Variants in MSRA observed in about 807,000 individuals in gnomAD.
MSRA encodes the protein methionine sulfoxide reductase A.
In MSRA, 54 loss-of-function variants were observed where a neutral mutation model predicts 31.3. That is an observed-to-expected ratio of 1.73 (90% CI 1.39 to 2.17). MSRA has a LOEUF of 2.17. Among genes scored for constraint, MSRA ranks in the 30% most tolerant of loss-of-function variants. MSRA has a pLI of 0.00. For synonymous variants in MSRA, 169 were observed against 116.5 expected (o/e 1.45, Z -2.90); for missense variants, 507 against 300.9 (o/e 1.69, Z -5.07).
At chr8:10,303,526 C>A (rs920367121) in intron 4 of MSRA, among the ~76,000 whole-genome samples, 2 of 152,130 alleles carry the variant, frequency 1.3e-5, no homozygotes, top group Non-Finnish European at 2.9e-5. Flanking sequence ...ATATGGAGAC[C>A]AAAACAAGGC....
chr8:10,151,269 A>T (rs796332427), intron 1 of MSRA, among the ~76,000 whole-genome samples: 29,922 of 147,834 alleles, frequency 0.2, 3,808 homozygotes, highest in East Asian at 0.52. Context: ...CTCAAAAAAA[A>T]AAAAAAAAAA....
intron 1 of MSRA, among the ~76,000 whole-genome samples, chr8:10,075,658 T>C (rs1797961710): frequency 6.6e-6 from 1 of 152,244 alleles, no homozygotes; most frequent in Non-Finnish European, 1.5e-5. Flanking sequence ...AAAAAGACAT[T>C]GTTTTATGTT....
At chr8:10,342,686 T>TA (rs1803505058) in intron 5 of MSRA, among the ~76,000 whole-genome samples, 1 of 152,154 alleles carries the variant, frequency 6.6e-6, no homozygotes, top group African/African-American at 2.4e-5. Flanking sequence ...TCCCTGGCCT[T>TA]ACAGACGAGG....
chr8:10,366,647 C>G (rs1435731928), intron 5 of MSRA, among the ~76,000 whole-genome samples: 1 of 152,188 alleles, frequency 6.6e-6, no homozygotes, highest in African/African-American at 2.4e-5. Context: ...CCCGCATCCC[C>G]TGCTTGTACC....
At chr8:10,358,614 A>C in intron 5 of MSRA, among the ~76,000 whole-genome samples, 1 of 80,894 alleles carries the variant, frequency 1.2e-5, no homozygotes, top group African/African-American at 5.3e-5. Flanking sequence ...TTTTTTTGAG[A>C]CGGAGTCTCG....
intron 3 of MSRA, among the ~76,000 whole-genome samples, chr8:10,285,603 C>G (rs1799890692): frequency 6.6e-6 from 1 of 151,958 alleles, no homozygotes; most frequent in Admixed American, 6.6e-5. Context: ...CCCCCCATCT[C>G]AATGTATTTT....
intron 5 of MSRA, among the ~76,000 whole-genome samples, chr8:10,324,511 G>A (rs1802251044): frequency 6.6e-6 from 1 of 152,168 alleles, no homozygotes; most frequent in Non-Finnish European, 1.5e-5. Flanking sequence ...TTCCTGCCTG[G>A]AGACCACAGC....
intron 1 of MSRA, among the ~76,000 whole-genome samples, chr8:10,078,425 G>A (rs1302431165): frequency 6.6e-6 from 1 of 152,218 alleles, no homozygotes; most frequent in African/African-American, 2.4e-5. Flanking sequence ...GGGGACCCTT[G>A]GCGCAGCCCC....
intron 5 of MSRA, among the ~76,000 whole-genome samples, chr8:10,396,136 A>G (rs1288044457): frequency 2.0e-5 from 3 of 151,900 alleles, no homozygotes; most frequent in South Asian, 2.1e-4. Flanking sequence ...GGAGTTGTTT[A>G]TTCTTGTTTA....
chr8:10,235,519 A>G (rs1811866207), intron 2 of MSRA, among the ~76,000 whole-genome samples: 1 of 152,190 alleles, frequency 6.6e-6, no homozygotes, highest in South Asian at 2.1e-4. Context: ...AGTAAACTGC[A>G]AAACAAGATA....
intron 5 of MSRA, among the ~76,000 whole-genome samples, chr8:10,341,762 G>C (rs747805307): frequency 2.6e-5 from 4 of 152,324 alleles, no homozygotes; most frequent in Admixed American, 2.0e-4. Context: ...GAGATGACAT[G>C]TGCCAAGCTC....
At chr8:10,075,233 A>G (rs1228533775) in intron 1 of MSRA, among the ~76,000 whole-genome samples, 1 of 152,202 alleles carries the variant, frequency 6.6e-6, no homozygotes, top group Non-Finnish European at 1.5e-5. Flanking sequence ...CTGTTACATG[A>G]TGACCATTAG....
At chr8:10,342,203 G>T (rs981638653) in intron 5 of MSRA, among the ~76,000 whole-genome samples, 10 of 152,184 alleles carry the variant, frequency 6.6e-5, no homozygotes, top group African/African-American at 9.7e-5. Context: ...TCACAAGCAT[G>T]GCCTTGAGCA....
chr8:10,223,510 C>T (rs1810708571), intron 2 of MSRA, among the ~76,000 whole-genome samples: 2 of 152,140 alleles, frequency 1.3e-5, no homozygotes, highest in Admixed American at 1.3e-4. Context: ...CACATTTGGG[C>T]TTCAGTCAGT....
At chr8:10,162,833 A>G (rs765652766) in intron 1 of MSRA, among the ~76,000 whole-genome samples, 3 of 152,156 alleles carry the variant, frequency 2.0e-5, no homozygotes, top group Non-Finnish European at 4.4e-5. Context: ...CACACAGGTC[A>G]TAGGTGGGAG....
intron 5 of MSRA, among the ~76,000 whole-genome samples, chr8:10,415,038 C>G (rs2129191018): frequency 6.6e-6 from 1 of 152,302 alleles, no homozygotes; most frequent in East Asian, 1.9e-4. Context: ...CAAGAGGAAG[C>G]AGCAGTCCTT....
chr8:10,269,622 T>C lies in MSRA; in HGVS notation c.331+24399T>C, dbSNP rs185945204. On this transcript the variant is annotated intron_variant, in intron 3 of 5. Transcript: ENST00000317173. Reference sequence around the variant, plus strand: ...CTTTGCTGCTACCGCTTACTCTCTCTTTTGGTTTTTTGTTGTTGTTGTTGT... The same window carrying C: ...CTTTGCTGCTACCGCTTACTCTCTCCTTTGGTTTTTTGTTGTTGTTGTTGT... 6.7e-3 allele frequency among the ~76,000 whole-genome samples: 1,015 copies of C among 152,250 alleles called. 13 individuals carry two copies. The highest frequency in any genetic ancestry group is 0.012 in the Non-Finnish European group (807 of 68,008).
intron 1 of MSRA, among the ~76,000 whole-genome samples, chr8:10,087,781 C>G (rs142078029): frequency 4.6e-5 from 7 of 152,240 alleles, no homozygotes; most frequent in African/African-American, 1.7e-4. Context: ...CTAAGATTGG[C>G]TTAAAGTAAA....
At chr8:10,220,705 C>T (rs1458165178) in intron 2 of MSRA, among the ~76,000 whole-genome samples, 1 of 152,170 alleles carries the variant, frequency 6.6e-6, no homozygotes, top group Non-Finnish European at 1.5e-5. Flanking sequence ...CATCTTTCTT[C>T]CAGCACCCTT....
Sources: gnomAD v4.1 joint callset for allele counts (sites outside exome capture counted in the v4.1 genomes callset) on GRCh38, gnomAD v4.1.1 for gene constraint, MANE v1.5 for transcripts, NCBI Gene and HGNC (gene_info 2026-07-23, HGNC 2026-07-21) for gene names.